The following SNX29 variants were observed in gnomAD, a reference collection of about 807,000 sequenced individuals.
SNX29 encodes sorting nexin-29.
A neutral mutation model predicts 102.1 loss-of-function variants in SNX29; 78 were observed. That is an observed-to-expected ratio of 0.76 (90% CI 0.64 to 0.92). The LOEUF (loss-of-function observed/expected upper bound fraction) is 0.92, where lower values mean the gene tolerates loss of function less well. Among genes scored for constraint, SNX29 ranks in the 40% least tolerant of loss-of-function variants. The pLI is 0.00. For missense variants in SNX29, 1,280 were observed against 1,061.7 expected (o/e 1.21, Z -2.86); for synonymous variants, 580 against 414.5 (o/e 1.40, Z -4.85).
chr16:12,262,726 GC>G (rs2078813996), intron 14 of SNX29, among the ~76,000 whole-genome samples: 1 of 152,222 alleles, frequency 6.6e-6, no homozygotes, highest in Non-Finnish European at 1.5e-5. Context: ...CACTTTCTGT[GC>G]TCTGGACTTA....
At chr16:12,148,094 A>G (rs2055142675) in intron 13 of SNX29, among the ~76,000 whole-genome samples, 3 of 152,204 alleles carry the variant, frequency 2.0e-5, no homozygotes, top group South Asian at 4.1e-4. Context: ...AGCTCCAGCC[A>G]CCAAGTAGCC....
In SNX29 at chr16:12,016,430, C is replaced by G. The variant is rs2151077624; in HGVS notation, c.123-10890C>G. Among the ~76,000 whole-genome samples the G allele has an allele frequency of 1.3e-5, 2 of 152,190 alleles. 1 individual carries two copies. The highest frequency in any genetic ancestry group is 4.2e-4 in the South Asian group (2 of 4,818). ...AGTTCATAAGTCTACCTTTTTCTTT[C>G]TTGCCAACAATAATTTCACTGGCAC... On this transcript the variant is annotated intron_variant, in intron 3 of 20. Transcript: ENST00000566228.
At chr16:12,328,984 C>A (rs1023886578) in intron 15 of SNX29, among the ~76,000 whole-genome samples, 3 of 152,042 alleles carry the variant, frequency 2.0e-5, no homozygotes, top group East Asian at 1.9e-4. Context: ...GACAAAATAA[C>A]CCCCTGGCCA....
chr16:12,386,463 G>T (rs1597186301), intron 16 of SNX29, among the ~76,000 whole-genome samples: 1 of 152,122 alleles, frequency 6.6e-6, no homozygotes, highest in Non-Finnish European at 1.5e-5. Flanking sequence ...GAGGCAATTC[G>T]CAATGTGAAC....
chr16:11,990,458 C>T (rs2055805754), intron 1 of SNX29, among the ~76,000 whole-genome samples: 2 of 152,126 alleles, frequency 1.3e-5, no homozygotes. Context: ...GCGGGGGTCC[C>T]TCCTGGTCTT....
intron 15 of SNX29, among the ~76,000 whole-genome samples, chr16:12,306,003 C>T (rs572485954): frequency 4.0e-4 from 61 of 152,056 alleles, no homozygotes; most frequent in South Asian, 3.8e-3. Context: ...CTGGAGGACA[C>T]GGTTCTCTCT....
rs1306604666 is a variant in SNX29, at chr16:12,098,790, C to T, written c.1402+19875C>T. 6.6e-6 allele frequency among the ~76,000 whole-genome samples: 1 copy of T among 152,192 alleles called. No individual in the cohort carries two copies. Among genetic ancestry groups the T allele is most frequent in the Non-Finnish European group, 1.5e-5 (1 of 68,032 alleles). On this transcript the variant is annotated intron_variant, in intron 11 of 20. Coordinates refer to ENST00000566228, the MANE Select transcript of SNX29 (RefSeq NM_032167.5). The surrounding 1 kb of genome is among the most constrained non-coding windows in gnomAD (Gnocchi z 6.0). ...CTGTGGGAAGGTGGGCTTACAAAAC[C>T]TCGTCCCTGAGTCTAACAGTCAGAG... is the stretch of plus-strand genomic sequence containing the variant.
intron 8 of SNX29, among the ~76,000 whole-genome samples, chr16:12,058,951 C>T (rs1029584687): frequency 6.6e-6 from 1 of 151,678 alleles, no homozygotes; most frequent in African/African-American, 2.4e-5. Flanking sequence ...CAATACCATA[C>T]CTGGCTAATT....
rs2082620738 is a variant in SNX29, at chr16:12,369,903, A to G, written c.1899+13624A>G. Among the ~76,000 whole-genome samples the G allele has an allele frequency of 3.9e-5, 6 of 152,124 alleles. No individual in the cohort carries two copies. In the South Asian group the frequency reaches 1.2e-3, roughly 31 times the overall value. On this transcript the variant is annotated intron_variant, in intron 16 of 20. Transcript: ENST00000566228. The stretch of plus-strand genomic sequence containing the variant: ...TGATGTTCTATGTATTTTTTGAACG[A>G]TTTCTTCTTATTTGAAAAAATCTTT...
chr16:12,375,686 A>G (rs1041202961), intron 16 of SNX29: 1 of 152,238 alleles, frequency 6.6e-6, no homozygotes, highest in African/African-American at 2.4e-5. Flanking sequence ...AAGAAAGCAA[A>G]AGAGAGAGAC....
At chr16:12,070,335 A>AC (rs1240150324) in intron 10 of SNX29, among the ~76,000 whole-genome samples, 1 of 63,770 alleles carries the variant, frequency 1.6e-5, no homozygotes, top group East Asian at 5.8e-4. Context: ...CCCTCCCCCC[A>AC]CCCCACAACA....
chr16:12,530,107 G>A (rs1037696481), intron 20 of SNX29, among the ~76,000 whole-genome samples: 2 of 152,212 alleles, frequency 1.3e-5, no homozygotes, highest in African/African-American at 4.8e-5. Context: ...GGCCTGCTCT[G>A]CTGACTTACA....
At chr16:12,002,221 T>C (rs1385024996) in intron 2 of SNX29, among the ~76,000 whole-genome samples, 1 of 151,756 alleles carries the variant, frequency 6.6e-6, no homozygotes, top group Non-Finnish European at 1.5e-5. Flanking sequence ...GCCAAGGCGG[T>C]CGGATCACCT....
chr16:12,186,049 G>A (rs2141867212), intron 13 of SNX29, among the ~76,000 whole-genome samples: 1 of 152,250 alleles, frequency 6.6e-6, no homozygotes, highest in South Asian at 2.1e-4. Context: ...GTTATTCCCA[G>A]ATACTGTTTA....
chr16:12,118,090 C>A (rs1596956333), intron 11 of SNX29, among the ~76,000 whole-genome samples: 1 of 152,154 alleles, frequency 6.6e-6, no homozygotes, highest in Middle Eastern at 3.4e-3. Context: ...GAGCGAGACT[C>A]TGTCTCAAAA....
At chr16:12,566,053 G>A (rs769962253) in intron 20 of SNX29, among the ~76,000 whole-genome samples, 8 of 152,202 alleles carry the variant, frequency 5.3e-5, no homozygotes, top group Non-Finnish European at 8.8e-5. Flanking sequence ...AATGTTCACT[G>A]TTGCCCATTG....
chr16:12,333,666 C>T (rs533219962), intron 15 of SNX29, among the ~76,000 whole-genome samples: 17 of 152,152 alleles, frequency 1.1e-4, no homozygotes, highest in African/African-American at 2.4e-4. Flanking sequence ...GCTCCCAGTC[C>T]GGACTCTCTA....
At chr16:12,554,843 G>C (rs898385828) in intron 20 of SNX29, among the ~76,000 whole-genome samples, 1 of 152,170 alleles carries the variant, frequency 6.6e-6, no homozygotes, top group African/African-American at 2.4e-5. Context: ...CTTTCCGTAG[G>C]TGCCAGGGTG....
rs150237057 is a variant in SNX29, at chr16:12,048,421, C to A, written c.549C>A (p.Asn183Lys). The change falls in exon 7 of 21, where the codon AAC (asparagine) becomes AAA (lysine). Residue 183 changes from asparagine (N) to lysine (K), a missense_variant. Physicochemically the swap from Asn to Lys is moderately conservative, Grantham distance 94 (BLOSUM62 0). Coordinates refer to ENST00000566228, the MANE Select transcript of SNX29 (RefSeq NM_032167.5). ...TTAACATCGACAACAAGGATTTGAA[C>A]GGGCAGAGTAAGTTTGCTCCCACCG... ...FAINIDNKDL[N>K]GQSKFAPTVS... The A allele has an allele frequency of 6.8e-6, 11 of 1,613,792 alleles. No homozygotes were observed. The highest frequency in any genetic ancestry group is 1.3e-5 in the African/African-American group (1 of 74,970).
Sources: allele counts gnomAD v4.1 joint callset (sites outside exome capture counted in the v4.1 genomes callset), GRCh38; gene constraint gnomAD v4.1.1; non-coding constraint Gnocchi (gnomAD v3.1); transcripts MANE v1.5; gene names NCBI Gene and HGNC (gene_info 2026-07-23, HGNC 2026-07-21).